The following RHOBTB1 variants were observed in gnomAD, a reference collection of about 807,000 sequenced individuals.
The protein encoded by RHOBTB1 is Rho related BTB domain containing 1, also known as rho-related BTB domain-containing protein 1.
Under a neutral mutation model 71.6 loss-of-function variants are expected in RHOBTB1, and 40 were observed. That is an observed-to-expected ratio of 0.56 (90% CI 0.43 to 0.73). RHOBTB1 has a LOEUF of 0.73. Ranked by LOEUF, RHOBTB1 falls within the 30% of genes least tolerant of loss-of-function variation. RHOBTB1 has a pLI of 0.00. For missense variants in RHOBTB1, 797 were observed against 894.0 expected, an observed-to-expected ratio of 0.89 and a Z score of 1.38; for synonymous variants, 319 against 334.9, an observed-to-expected ratio of 0.95 and a Z score of 0.52.
chr10:60,998,035 C>T (rs1287446891), intron 1 of RHOBTB1, among the ~76,000 whole-genome samples: 5 of 152,178 alleles, frequency 3.3e-5, no homozygotes, highest in Admixed American at 2.0e-4. Flanking sequence ...AAGGTATTGT[C>T]TAGACCTAAA....
chr10:60,889,147 C>A lies in RHOBTB1; in HGVS notation c.521G>T (p.Gly174Val). The change falls in exon 6 of 11, where the codon GGC becomes GTC. Residue 174 changes from glycine (G) to valine (V), a missense_variant. Gly to Val is a moderately radical substitution (Grantham distance 109). This residue lies in a region of RHOBTB1 where 658 missense variants were observed against 681.5 expected (regional missense o/e 0.97). Coordinates refer to ENST00000337910, the MANE Select transcript of RHOBTB1 (RefSeq NM_014836.5). ...KRGDILPPEK[G>V]REVAKELGLP... ...GCCAAGTTCCTTTGCTACCTCTCGG[C>A]CTTTTTCTGGGGGCAAAATATCCCC... 3 of 1,612,990 alleles carry A rather than the reference C, an allele frequency of 1.9e-6. No individual in the cohort carries two copies. The highest frequency in any genetic ancestry group is 2.5e-6 in the Non-Finnish European group (3 of 1,179,416).
chr10:60,912,230 C>T (rs923359605), intron 2 of RHOBTB1, among the ~76,000 whole-genome samples: 1 of 151,192 alleles, frequency 6.6e-6, no homozygotes, highest in Non-Finnish European at 1.5e-5. Flanking sequence ...TATATACACA[C>T]ACACATATAT....
At chr10:61,000,135 A>T (rs1205428517) in intron 1 of RHOBTB1, among the ~76,000 whole-genome samples, 1 of 152,212 alleles carries the variant, frequency 6.6e-6, no homozygotes, top group African/African-American at 2.4e-5. Flanking sequence ...TTATTAGTTA[A>T]TCCTTACGCT....
chr10:60,998,702 C>T (rs534048693), intron 1 of RHOBTB1, among the ~76,000 whole-genome samples: 2 of 152,306 alleles, frequency 1.3e-5, no homozygotes, highest in East Asian at 3.9e-4. Context: ...CATCCAAAAT[C>T]CTGGAACTGT....
rs1226211267 is a variant in RHOBTB1, at chr10:60,870,937, C to T, written c.*545G>A. ...TATTCAACAGAACAAAGATTAAACACTCTCCAATTTGCACTTTGGGAGATT... is the reference window on the plus strand; with the variant it reads ...TATTCAACAGAACAAAGATTAAACATTCTCCAATTTGCACTTTGGGAGATT... On this transcript the variant is annotated 3_prime_UTR_variant, in exon 11 of 11. Coordinates refer to ENST00000337910, the MANE Select transcript of RHOBTB1 (RefSeq NM_014836.5). 6.5e-6 allele frequency: 1 copy of T among 152,674 alleles called. No homozygotes were observed. Among genetic ancestry groups the T allele is most frequent in the Non-Finnish European group, 1.5e-5 (1 of 68,064 alleles). The allele number at this position is 152,674 out of a possible 1,614,324, so 9.5% of individuals were successfully genotyped here. A position where few individuals can be genotyped will look rare whatever the true frequency, so the allele number is the denominator to read the frequency against.
At position 60,888,666 on chromosome 10, in the gene RHOBTB1, C is replaced by A; in HGVS notation, c.1002G>T (p.Glu334Asp). ...CCTGAGGAATCCTAGGCGGGCCCTC[C>A]TCCCTTTCTTCCTCTGGGTCGACAC... is the stretch of plus-strand genomic sequence containing the variant. ...ILSVDPEEER[E>D]EGPPRIPQAD... The change falls in exon 6 of 11, where the codon GAG (glutamate) becomes GAT (aspartate). Residue 334 changes from glutamate to aspartate, a missense_variant. Glu to Asp is a conservative substitution (Grantham distance 45). Around this residue, in one of 2 missense-constraint regions of RHOBTB1, gnomAD observed 658 missense variants for 681.5 expected, o/e 0.97. Transcript: ENST00000337910. The A allele has an allele frequency of 6.2e-7, 1 of 1,614,206 alleles. No individual in the cohort carries two copies. Among genetic ancestry groups the A allele is most frequent in the Non-Finnish European group, 8.5e-7 (1 of 1,180,044 alleles).
chr10:60,878,230 G>T (rs1014001460), intron 7 of RHOBTB1, among the ~76,000 whole-genome samples, 172 bp from the exon 8 acceptor site: 6 of 152,184 alleles, frequency 3.9e-5, no homozygotes, highest in Non-Finnish European at 5.9e-5. Context: ...AAACATAATG[G>T]TTTGATTTGT....
intron 9 of RHOBTB1, among the ~76,000 whole-genome samples, chr10:60,873,651 G>A (rs1216612618): frequency 2.0e-5 from 3 of 152,216 alleles, no homozygotes; most frequent in Admixed American, 6.5e-5. Flanking sequence ...GCTGGAGAGA[G>A]TACAGGTTAT....
At chr10:60,896,684 C>T (rs2082175404) in intron 4 of RHOBTB1, among the ~76,000 whole-genome samples, 1 of 152,142 alleles carries the variant, frequency 6.6e-6, no homozygotes, top group Admixed American at 6.5e-5. Context: ...TGCCCTTGCC[C>T]ACGGAATGTT....
In RHOBTB1 at chr10:60,918,547, G is replaced by T. The variant is rs73266003; in HGVS notation, c.-10-6995C>A. ...GCACTTCAGTGTAGGGCCACTAATT[G>T]ATTTCAGGCAAGCGTGCAAGACTCC... On this transcript the variant is annotated intron_variant, in intron 2 of 10. Coordinates refer to ENST00000337910, the MANE Select transcript of RHOBTB1 (RefSeq NM_014836.5). 5.4e-3 allele frequency among the ~76,000 whole-genome samples: 815 copies of T among 152,206 alleles called. 12 individuals are homozygous for T. Among genetic ancestry groups the T allele is most frequent in the African/African-American group, 0.018 (754 of 41,532 alleles).
intron 7 of RHOBTB1, among the ~76,000 whole-genome samples, chr10:60,885,525 C>T (rs1186181262): frequency 6.6e-6 from 1 of 152,190 alleles, no homozygotes; most frequent in Admixed American, 6.5e-5. Flanking sequence ...CTCATATCCC[C>T]TCAACACAGG....
At chr10:60,862,143 CTCTT>C in the RHOBTB1 span, among the ~76,000 whole-genome samples, 40 of 143,910 alleles carry the variant, frequency 2.8e-4, no homozygotes, top group South Asian at 9.1e-4. Flanking sequence ...TTCTCTCTCT[CTCTT>C]TCTTTTTCTT....
intron 2 of RHOBTB1, among the ~76,000 whole-genome samples, chr10:60,940,968 C>T (rs1169700006): frequency 1.3e-5 from 2 of 152,110 alleles, no homozygotes; most frequent in Non-Finnish European, 2.9e-5. Context: ...GGCCAGAGAC[C>T]CCACAATAAA....
At chr10:60,940,130 G>T (rs977140574) in intron 2 of RHOBTB1, among the ~76,000 whole-genome samples, 3 of 152,114 alleles carry the variant, frequency 2.0e-5, no homozygotes, top group Non-Finnish European at 4.4e-5. Flanking sequence ...GGACAGACGT[G>T]TTATAGGACA....
chr10:60,979,390 G>T (rs1310211587), intron 2 of RHOBTB1, among the ~76,000 whole-genome samples: 1 of 152,086 alleles, frequency 6.6e-6, no homozygotes, highest in Non-Finnish European at 1.5e-5. Flanking sequence ...TGGTCAAAAA[G>T]AAAATACAAT....
chr10:60,911,665 A>C, intron 2 of RHOBTB1, 113 bp from the exon 3 acceptor site: 1 of 805,176 alleles, frequency 1.2e-6, no homozygotes. Context: ...TTGGAGGTGC[A>C]CAAGCACAGG....
intron 2 of RHOBTB1, among the ~76,000 whole-genome samples, chr10:60,935,809 T>C (rs2134072563): frequency 6.6e-6 from 1 of 152,328 alleles, no homozygotes; most frequent in African/African-American, 2.4e-5. Context: ...TTTGAGGCTA[T>C]TCATGCCAAT....
At chr10:60,902,509 C>T (rs577400843) in intron 4 of RHOBTB1, among the ~76,000 whole-genome samples, 1 of 152,026 alleles carries the variant, frequency 6.6e-6, no homozygotes, top group African/African-American at 2.4e-5. Flanking sequence ...ATTGGAAAAG[C>T]GTTATTATTC....
chr10:60,889,672 C>T (rs747472800), intron 5 of RHOBTB1, among the ~76,000 whole-genome samples: 4 of 152,046 alleles, frequency 2.6e-5, no homozygotes, highest in Non-Finnish European at 4.4e-5. Flanking sequence ...TGCTGTCAGC[C>T]GTAACCACAG....
Sources: allele counts gnomAD v4.1 joint callset (sites outside exome capture counted in the v4.1 genomes callset), GRCh38; gene constraint gnomAD v4.1.1; regional missense constraint gnomAD v4.1.1; transcripts MANE v1.5; gene names NCBI Gene and HGNC (gene_info 2026-07-23, HGNC 2026-07-21).